Variants in CNIH3 observed in about 807,000 individuals in gnomAD.
The protein encoded by CNIH3 is cornichon family AMPA receptor auxiliary protein 3.
Under a neutral mutation model 24.1 loss-of-function variants are expected in CNIH3, and 14 were observed. The ratio of observed to expected loss-of-function variants is 0.58; its 90% confidence interval spans 0.38 to 0.91. The LOEUF is 0.91. Among genes scored for constraint, CNIH3 ranks in the 40% least tolerant of loss-of-function variants. The pLI, the probability that CNIH3 is intolerant of heterozygous loss-of-function variation, is 0.00. For synonymous variants in CNIH3, 68 were observed against 73.8 expected, an observed-to-expected ratio of 0.92 and a Z score of 0.40; for missense variants, 178 against 196.8, an observed-to-expected ratio of 0.90 and a Z score of 0.57.
At chr1:224,596,436 A>G (rs1243589665) in intron 3 of CNIH3, among the ~76,000 whole-genome samples, 1 of 152,232 alleles carries the variant, frequency 6.6e-6, no homozygotes, top group Non-Finnish European at 1.5e-5. Context: ...TTGACAATGT[A>G]CTTAGTTATC....
chr1:224,733,149 C>T (rs144063447), intron 4 of CNIH3, among the ~76,000 whole-genome samples: 1 of 152,272 alleles, frequency 6.6e-6, no homozygotes, highest in African/African-American at 2.4e-5. Flanking sequence ...CCTGTTCTTC[C>T]CAGGTTATTT....
At chr1:224,730,327 T>G (rs1689256770) in intron 3 of CNIH3, 135 bp from the exon 4 acceptor site, 1 of 624,334 alleles carries the variant, frequency 1.6e-6, no homozygotes, top group East Asian at 2.7e-5. Flanking sequence ...GGGCAGTGGC[T>G]CTACGTTGCT....
intron 3 of CNIH3, among the ~76,000 whole-genome samples, chr1:224,723,251 G>T (rs1404630654): frequency 6.6e-6 from 1 of 152,202 alleles, no homozygotes; most frequent in Non-Finnish European, 1.5e-5. Context: ...GCACAGCTAA[G>T]TCCCAACAGG....
At chr1:224,675,607 T>G (rs1353768273) in intron 1 of CNIH3, among the ~76,000 whole-genome samples, 2 of 152,164 alleles carry the variant, frequency 1.3e-5, no homozygotes, top group Non-Finnish European at 2.9e-5. Flanking sequence ...TATAAAGAAC[T>G]CTCAAAGATC....
chr1:224,658,225 G>T (rs1572672210), intron 1 of CNIH3, among the ~76,000 whole-genome samples: 1 of 152,324 alleles, frequency 6.6e-6, no homozygotes, highest in East Asian at 1.9e-4. Flanking sequence ...GTGTGCAGTG[G>T]CACAATCATG....
intron 4 of CNIH3, among the ~76,000 whole-genome samples, chr1:224,732,640 G>C (rs1212026505): frequency 1.3e-5 from 2 of 152,198 alleles, no homozygotes; most frequent in Non-Finnish European, 2.9e-5. Flanking sequence ...CCAGGGGCTG[G>C]CTCTTCTCCT....
rs148885156 is a variant in CNIH3, at chr1:224,663,201, C to A, written c.82-17757C>A. ...GTAAGACAGTCCTATGATTCAAAGA[C>A]CTTCCAAGATGAGATGAGATCAGGC... On this transcript the variant is annotated intron_variant, in intron 1 of 5. Transcript: ENST00000272133. 7.2e-3 allele frequency among the ~76,000 whole-genome samples: 1,101 copies of A among 152,192 alleles called. 13 individuals carry two copies. Among genetic ancestry groups the A allele is most frequent in the African/African-American group, 0.024 (1,015 of 41,512 alleles).
intron 4 of CNIH3, among the ~76,000 whole-genome samples, chr1:224,581,630 A>G (rs185739934): frequency 1.2e-3 from 182 of 152,318 alleles, no homozygotes; most frequent in African/African-American, 4.2e-3. Flanking sequence ...TCTTTTGAAA[A>G]CAGTGCTATT....
upstream of CNIH3, among the ~76,000 whole-genome samples, chr1:224,613,048 G>A (rs1682772487): frequency 6.6e-6 from 1 of 152,082 alleles, no homozygotes; most frequent in Admixed American, 6.6e-5. Flanking sequence ...ACCCGAGGTG[G>A]GGTGCAGTGG....
chr1:224,615,983 G>C (rs1173891338), upstream of CNIH3: 1 of 152,596 alleles, frequency 6.6e-6, no homozygotes, highest in Non-Finnish European at 1.5e-5. Flanking sequence ...CGGCGTTTAG[G>C]CGCGAGGCAC....
intron 3 of CNIH3, among the ~76,000 whole-genome samples, chr1:224,686,256 G>A (rs998317311): frequency 2.0e-5 from 3 of 150,124 alleles, no homozygotes; most frequent in African/African-American, 7.4e-5. Flanking sequence ...AACATGCAGT[G>A]TTTGGTTTTC....
At chr1:224,628,550 A>T (rs1683657452) in intron 1 of CNIH3, among the ~76,000 whole-genome samples, 1 of 152,092 alleles carries the variant, frequency 6.6e-6, no homozygotes, top group Admixed American at 6.5e-5. Flanking sequence ...TCCTGCTGTG[A>T]TTGGCTTTTT....
At chr1:224,554,701 A>T (rs1480727081) in intron 3 of CNIH3, among the ~76,000 whole-genome samples, 1 of 151,960 alleles carries the variant, frequency 6.6e-6, no homozygotes, top group Non-Finnish European at 1.5e-5. Flanking sequence ...CTCCCACCTC[A>T]GCCTCTTGAG....
rs1171947652 is a variant in CNIH3, at chr1:224,684,420, C to T, written c.151-376C>T. 6.6e-6 allele frequency among the ~76,000 whole-genome samples: 1 copy of T among 152,206 alleles called. No homozygotes were observed. The highest frequency in any genetic ancestry group is 2.4e-5 in the African/African-American group (1 of 41,452). ...TAAGTGGGAAGGCCTCCTGGGAGGGCCGGCTGCAGGCTTTAGGATGCTCCA... is the reference window on the plus strand; with the variant it reads ...TAAGTGGGAAGGCCTCCTGGGAGGGTCGGCTGCAGGCTTTAGGATGCTCCA... On this transcript the variant is annotated intron_variant, in intron 2 of 5. Coordinates refer to ENST00000272133, the MANE Select transcript of CNIH3 (RefSeq NM_152495.2). This position sits in a 1 kb window ranked among gnomAD's most constrained non-coding sequence, Gnocchi z 4.2.
Position 224,464,166 on chromosome 1 carries a change from A to G in CNIH3, n.203+29304A>G, listed in dbSNP as rs371719740. Among the ~76,000 whole-genome samples, 13 of 152,068 alleles carry G rather than the reference A, an allele frequency of 8.5e-5. No homozygotes were observed. In the East Asian group the frequency reaches 1.2e-3, roughly 14 times the overall value. On this transcript the variant is annotated intron_variant and non_coding_transcript_variant, in intron 1 of 5. Transcript: ENST00000471578. The stretch of plus-strand genomic sequence containing the variant: ...TTTTGATGGAGTTCACTTTATATTT[A>G]TTTTTTATGGGTTATGCTCTTGGTG...
intron 1 of CNIH3, among the ~76,000 whole-genome samples, chr1:224,518,966 T>C (rs764645962): frequency 1.3e-3 from 198 of 152,216 alleles, no homozygotes; most frequent in Non-Finnish European, 2.3e-3. Context: ...CTTGGGAAAT[T>C]ACCTTTTTAG....
intron 3 of CNIH3, among the ~76,000 whole-genome samples, chr1:224,560,478 G>A (rs895852171): frequency 9.9e-5 from 15 of 152,070 alleles, no homozygotes; most frequent in African/African-American, 2.4e-5. Flanking sequence ...AGCAGTGGGT[G>A]AGCAAGTGCA....
chr1:224,434,836 GCCCT>G, exon 1 of CNIH3: 3 of 985,782 alleles, frequency 3.0e-6, no homozygotes, highest in Non-Finnish European at 3.6e-6. Flanking sequence ...TGCCTATACT[GCCCT>G]CCTCACTCAC....
intron 1 of CNIH3, among the ~76,000 whole-genome samples, chr1:224,631,784 A>G (rs1238399546): frequency 2.0e-5 from 3 of 152,168 alleles, no homozygotes; most frequent in East Asian, 1.9e-4. Flanking sequence ...CTGCTGGGGA[A>G]AAATGCAGGG....
Sources: gnomAD v4.1 joint callset for allele counts (sites outside exome capture counted in the v4.1 genomes callset) on GRCh38, gnomAD v4.1.1 for gene constraint, Gnocchi (gnomAD v3.1) non-coding constraint, MANE v1.5 for transcripts, NCBI Gene and HGNC (gene_info 2026-07-23, HGNC 2026-07-21) for gene names.